The following ARHGAP17 variants were observed in gnomAD, a reference collection of about 807,000 sequenced individuals.
ARHGAP17 encodes the protein Rho GTPase activating protein 17, also known as rho GTPase-activating protein 17.
ARHGAP17 carries 57 observed loss-of-function variants against 99.5 expected under a neutral mutation model. That is an observed-to-expected ratio of 0.57 (90% CI 0.46 to 0.71). The LOEUF is 0.71. Among genes scored for constraint, ARHGAP17 ranks in the 30% least tolerant of loss-of-function variants. The pLI is 0.00. For missense variants in ARHGAP17, 1,000 were observed against 1,122.4 expected (o/e 0.89, Z 1.56); for synonymous variants, 417 against 429.6 (o/e 0.97, Z 0.36).
In ARHGAP17 at chr16:24,955,245, C is replaced by T. The variant is rs777560082; in HGVS notation, c.725-515G>A. The T allele has an allele frequency of 2.6e-5, 4 of 152,422 alleles. No individual in the cohort carries two copies. The highest frequency in any genetic ancestry group is 5.9e-5 in the Non-Finnish European group (4 of 68,202). The allele number at this position is 152,422 out of a possible 1,614,324, so 9.4% of individuals were successfully genotyped here. A position where few individuals can be genotyped will look rare whatever the true frequency, so the allele number is the denominator to read the frequency against. On this transcript the variant is annotated intron_variant, in intron 9 of 19. Transcript: ENST00000289968. The surrounding 1 kb of genome is among the most constrained non-coding windows in gnomAD (Gnocchi z 4.0). Reference sequence around the variant, plus strand: ...GGAGATGGCCAACGTGAACTCTCCACGTTGCAGTTACTCTCCATCAGATGC... The same window carrying T: ...GGAGATGGCCAACGTGAACTCTCCATGTTGCAGTTACTCTCCATCAGATGC...
chr16:24,985,318 T>C (rs2052830740), intron 1 of ARHGAP17, among the ~76,000 whole-genome samples: 1 of 152,196 alleles, frequency 6.6e-6, no homozygotes, highest in African/African-American at 2.4e-5. Context: ...ACAAGTATAT[T>C]ATATCACACT....
intron 19 of ARHGAP17, chr16:24,929,741 T>C: frequency 1.3e-6 from 1 of 789,822 alleles, no homozygotes; most frequent in Non-Finnish European, 1.5e-6. Flanking sequence ...GAAAAAAAGT[T>C]ATTAACCATT....
At chr16:24,923,253 A>G (rs931772262) in intron 19 of ARHGAP17, among the ~76,000 whole-genome samples, 13 of 152,146 alleles carry the variant, frequency 8.5e-5, no homozygotes, top group African/African-American at 2.9e-4. Context: ...GCCTTCAAAG[A>G]CATTATCCAA....
intron 1 of ARHGAP17, among the ~76,000 whole-genome samples, chr16:24,988,728 A>T (rs1205544238): frequency 6.6e-6 from 1 of 152,160 alleles, no homozygotes; most frequent in African/African-American, 2.4e-5. Flanking sequence ...CTGGCACATG[A>T]AATGGAATCT....
At chr16:25,006,572 T>G (rs546009898) in intron 1 of ARHGAP17, among the ~76,000 whole-genome samples, 38 of 152,238 alleles carry the variant, frequency 2.5e-4, no homozygotes, top group Non-Finnish European at 4.6e-4. Context: ...GTGAGGGCAT[T>G]TAATGCCCTA....
chr16:24,959,541 A>C, intron 9 of ARHGAP17, 130 bp downstream of exon 9: 2 of 826,310 alleles, frequency 2.4e-6, no homozygotes, highest in Non-Finnish European at 1.9e-6. Context: ...TTATGCTGGG[A>C]AACAGTACCC....
chr16:24,954,950 T>C (rs2034948229), intron 9 of ARHGAP17: 1 of 545,006 alleles, frequency 1.8e-6, no homozygotes, highest in Non-Finnish European at 3.1e-6. Flanking sequence ...AGCCTGAGCG[T>C]ACCTAGATGG....
Position 24,998,640 on chromosome 16 carries a change from G to A in ARHGAP17, c.53+16569C>T, listed in dbSNP as rs148216645. ...CAGAAAACTAAGCCAAGCGCTGGACGGCAGCATTCATTCAGCCCAGCTGAG... is the reference window on the plus strand; with the variant it reads ...CAGAAAACTAAGCCAAGCGCTGGACAGCAGCATTCATTCAGCCCAGCTGAG... On this transcript the variant is annotated intron_variant, in intron 1 of 19. Coordinates refer to ENST00000289968, the MANE Select transcript of ARHGAP17 (RefSeq NM_001006634.3). Among the ~76,000 whole-genome samples, 777 of 152,312 alleles carry A rather than the reference G, an allele frequency of 5.1e-3. 2 individuals are homozygous for A. Among genetic ancestry groups the A allele is most frequent in the Non-Finnish European group, 8.1e-3 (551 of 68,028 alleles).
chr16:24,970,009 T>C (rs891971086), intron 4 of ARHGAP17, among the ~76,000 whole-genome samples: 4 of 152,060 alleles, frequency 2.6e-5, no homozygotes, highest in Non-Finnish European at 5.9e-5. Flanking sequence ...TAAAAACTGC[T>C]TTGTTCTTAC....
chr16:24,935,198 G>A (rs1016542684), intron 18 of ARHGAP17, among the ~76,000 whole-genome samples: 1 of 152,140 alleles, frequency 6.6e-6, no homozygotes, highest in African/African-American at 2.4e-5. Context: ...GCGAGGGCTT[G>A]GGACACCAGG....
chr16:25,007,366 T>C (rs573476001), intron 1 of ARHGAP17, among the ~76,000 whole-genome samples: 20 of 152,310 alleles, frequency 1.3e-4, no homozygotes, highest in African/African-American at 4.8e-4. Context: ...CGAATGCCAC[T>C]GACAAATTAC....
intron 1 of ARHGAP17, chr16:25,013,719 A>G (rs2053705202): frequency 6.6e-6 from 1 of 152,220 alleles, no homozygotes; most frequent in Admixed American, 6.5e-5. Context: ...AGAACTTTGT[A>G]TAAAAAGAGT....
At chr16:24,975,949 T>C (rs1325663882) in intron 3 of ARHGAP17, among the ~76,000 whole-genome samples, 1 of 152,086 alleles carries the variant, frequency 6.6e-6, no homozygotes, top group Admixed American at 6.5e-5. Flanking sequence ...TCCCTCTTCC[T>C]CTCTATACTA....
chr16:25,015,334 C>G lies in ARHGAP17; in HGVS notation c.-73G>C, dbSNP rs2053759343. The G allele has an allele frequency of 4.1e-6, 5 of 1,208,512 alleles. No individual in the cohort carries two copies. The highest frequency in any genetic ancestry group is 5.2e-6 in the Non-Finnish European group (5 of 964,740). 74.9% of individuals were successfully genotyped at this position (1,208,512 alleles called of 1,614,324 possible). A position where few individuals can be genotyped will look rare whatever the true frequency, so the allele number is the denominator to read the frequency against. On this transcript the variant is annotated 5_prime_UTR_variant, in exon 1 of 20. Coordinates refer to ENST00000289968, the MANE Select transcript of ARHGAP17 (RefSeq NM_001006634.3). ...GGGGACAGCCTGGCAGCTACTACAT[C>G]GCTTCCCGGCCCAAACGGCGGCGCG...
At chr16:25,011,463 G>C (rs1474150798) in intron 1 of ARHGAP17, among the ~76,000 whole-genome samples, 1 of 152,180 alleles carries the variant, frequency 6.6e-6, no homozygotes, top group Non-Finnish European at 1.5e-5. Context: ...CCAGCACTTT[G>C]GGAGGCCAAG....
In ARHGAP17 at chr16:25,015,342, G is replaced by C. The variant is rs1012651365; in HGVS notation, c.-81C>G. On this transcript the variant is annotated 5_prime_UTR_variant, in exon 1 of 20. Transcript: ENST00000289968. ...CCTGGCAGCTACTACATCGCTTCCC[G>C]GCCCAAACGGCGGCGCGGCGGTGGC... 6.7e-6 allele frequency: 8 copies of C among 1,189,902 alleles called. No individual in the cohort carries two copies. Among genetic ancestry groups the C allele is most frequent in the Non-Finnish European group, 5.3e-6 (5 of 951,148 alleles). The allele number at this position is 1,189,902 out of a possible 1,614,324, so 73.7% of individuals were successfully genotyped here.
intron 17 of ARHGAP17, among the ~76,000 whole-genome samples, chr16:24,937,126 A>AC (rs2051163115): frequency 6.6e-6 from 1 of 151,458 alleles, no homozygotes; most frequent in African/African-American, 2.4e-5. Context: ...GAAAAAAAAA[A>AC]AACAACAAAA....
chr16:24,963,713 T>C (rs1210936207), intron 7 of ARHGAP17, among the ~76,000 whole-genome samples: 6 of 152,210 alleles, frequency 3.9e-5, no homozygotes, highest in African/African-American at 1.4e-4. Context: ...TACAAACCAA[T>C]TGTTCAAGCA....
chr16:25,008,578 A>G (rs55865268), intron 1 of ARHGAP17, among the ~76,000 whole-genome samples: 2,331 of 152,244 alleles, frequency 0.015, 59 homozygotes, highest in African/African-American at 0.053. Context: ...CCTACACTTG[A>G]GAAACTGAAA....
Sources: allele counts gnomAD v4.1 joint callset (sites outside exome capture counted in the v4.1 genomes callset), GRCh38; gene constraint gnomAD v4.1.1; non-coding constraint Gnocchi (gnomAD v3.1); transcripts MANE v1.5; gene names NCBI Gene and HGNC (gene_info 2026-07-23, HGNC 2026-07-21).